AP3D1: variants seen among roughly 807,000 people sequenced by gnomAD.
The protein encoded by AP3D1 is AP-3 complex subunit delta-1.
AP3D1 carries 51 observed loss-of-function variants against 147.6 expected under a neutral mutation model. The observed-to-expected ratio is 0.35, with a 90% CI of 0.28 to 0.44. AP3D1 has a LOEUF of 0.44. AP3D1 is among the 20% of genes least tolerant of loss of function. AP3D1 has a pLI of 1.00. For synonymous variants in AP3D1, 760 were observed against 663.0 expected, an observed-to-expected ratio of 1.15 and a Z score of -2.25; for missense variants, 1,421 against 1,624.2, an observed-to-expected ratio of 0.87 and a Z score of 2.15.
At chr19:2,131,449 G>A (rs1262922425) in intron 5 of AP3D1, among the ~76,000 whole-genome samples, 3 of 141,504 alleles carry the variant, frequency 2.1e-5, no homozygotes, top group Non-Finnish European at 3.1e-5. Context: ...AGGCAGCCAC[G>A]AGGGGACAGG....
intron 1 of AP3D1, among the ~76,000 whole-genome samples, chr19:2,144,021 C>T (rs1379500088): frequency 6.7e-6 from 1 of 149,584 alleles, no homozygotes; most frequent in Non-Finnish European, 1.5e-5. Flanking sequence ...GGGAGGCAGA[C>T]GTTGCGGTGA....
At chr19:2,108,988 T>C in intron 30 of AP3D1, 98 bp downstream of exon 30, 7 of 1,556,322 alleles carry the variant, frequency 4.5e-6, no homozygotes, top group Non-Finnish European at 6.1e-6. Context: ...AGGGTGTGAG[T>C]TTGGGTGGGA....
intron 31 of AP3D1, among the ~76,000 whole-genome samples, chr19:2,107,198 T>C (rs1156686198): frequency 6.6e-6 from 1 of 150,578 alleles, no homozygotes; most frequent in African/African-American, 2.5e-5. Flanking sequence ...AGGCGGAGCT[T>C]GCAGTGAGCC....
At position 2,116,268 on chromosome 19, in the gene AP3D1, G is replaced by T. The variant is rs771663760; in HGVS notation, c.2012C>A (p.Ala671Asp). 6 of 1,614,046 alleles carry T rather than the reference G, an allele frequency of 3.7e-6. No individual in the cohort carries two copies. The highest frequency in any genetic ancestry group is 4.2e-6 in the Non-Finnish European group (5 of 1,179,998). ...DEEELARRRE[A>D]RKQEQANNPF... ...GTTGTTGGCCTGCTCCTGCTTCCGG[G>T]CCTCTCGGCGCTGTGGGACACAGCT... The change falls in exon 18 of 32, where the codon GCC becomes GAC. Residue 671 changes from alanine (A) to aspartate (D), a missense_variant. Coordinates refer to ENST00000643116, the MANE Select transcript of AP3D1 (RefSeq NM_001261826.3).
At chr19:2,140,692 C>G (rs1029392061) in intron 1 of AP3D1, among the ~76,000 whole-genome samples, 5 of 151,316 alleles carry the variant, frequency 3.3e-5, no homozygotes, top group Non-Finnish European at 5.9e-5. Flanking sequence ...GGGACTCCCT[C>G]TTGGCTTTTA....
intron 1 of AP3D1, 69 bp downstream of exon 1, chr19:2,151,170 G>C (rs1439883095): frequency 7.5e-6 from 11 of 1,475,594 alleles, no homozygotes; most frequent in Non-Finnish European, 1.0e-5. Flanking sequence ...AGCAGGCCCA[G>C]TGAGCAGGGC....
At chr19:2,123,260 G>T in intron 11 of AP3D1, 98 bp downstream of exon 11, 1 of 1,221,234 alleles carries the variant, frequency 8.2e-7, no homozygotes, top group Non-Finnish European at 1.2e-6. Context: ...AGCTGGGGTT[G>T]CAGATGCCGT....
At chr19:2,130,570 T>C in intron 5 of AP3D1, 33 bp from the exon 6 acceptor site, 1 of 1,611,192 alleles carries the variant, frequency 6.2e-7, no homozygotes, top group Non-Finnish European at 8.5e-7. Flanking sequence ...CTGCGCGGGC[T>C]TTCTGCGCCT....
At chr19:2,117,397 A>G in intron 15 of AP3D1, 30 bp from the exon 16 acceptor site, 1 of 1,546,118 alleles carries the variant, frequency 6.5e-7, no homozygotes, top group Non-Finnish European at 8.7e-7. Flanking sequence ...CACTGCTGGC[A>G]CCTGCCCGGA....
chr19:2,114,622 G>GC, intron 21 of AP3D1, 126 bp downstream of exon 21: 4 of 665,744 alleles, frequency 6.0e-6, no homozygotes, highest in Non-Finnish European at 8.0e-6. Context: ...TCTGGGGAAG[G>GC]CCCGCCCGCA....
upstream of AP3D1, among the ~76,000 whole-genome samples, chr19:2,154,170 A>T (rs2019626636): frequency 6.6e-6 from 1 of 151,472 alleles, no homozygotes; most frequent in Non-Finnish European, 1.5e-5. Context: ...CTGGCCTCAA[A>T]CTACTGACCT....
In AP3D1 at chr19:2,102,276, A is replaced by G. The variant is rs747716218; in HGVS notation, c.3553-8T>C. Reference sequence around the variant, plus strand: ...TGAGACAGAGTTCTCACCCTGTGTAAGGAAAAAAGATGGATATTTTAAAAG... The same window carrying G: ...TGAGACAGAGTTCTCACCCTGTGTAGGGAAAAAAGATGGATATTTTAAAAG... On this transcript the variant is annotated splice_polypyrimidine_tract_variant and splice_region_variant and intron_variant, in intron 31 of 31. Coordinates refer to ENST00000643116, the MANE Select transcript of AP3D1 (RefSeq NM_001261826.3). 1 of 1,607,392 alleles carries G rather than the reference A, an allele frequency of 6.2e-7. No homozygotes were observed. Among genetic ancestry groups the G allele is most frequent in the South Asian group, 1.1e-5 (1 of 90,988 alleles).
rs556882169 is a variant in AP3D1 at position 2,109,277 on chromosome 19, C to A, written c.3351-70G>T. ...TCAGGCTTCCTGGCACAGAGGCCAA[C>A]AAAACCTGCCACACACGCTGCGCTT... is the stretch of plus-strand genomic sequence containing the variant. On this transcript the variant is annotated intron_variant, in intron 29 of 31. Transcript: ENST00000643116. 2.7e-6 allele frequency: 4 copies of A among 1,501,866 alleles called. No individual in the cohort carries two copies. The East Asian group carries it at 9.7e-5, about 36-fold the overall frequency. 93.0% of individuals were successfully genotyped at this position (1,501,866 alleles called of 1,614,324 possible).
At position 2,101,163 on chromosome 19, in the gene AP3D1, T is replaced by C. The variant is rs2017940532; in HGVS notation, c.*1010A>G. Reference sequence around the variant, plus strand: ...TGGGATTCTGTAATGGATTACATGCTAAAGTGACAGTTTTCATCAAAAGGA... The same window carrying C: ...TGGGATTCTGTAATGGATTACATGCCAAAGTGACAGTTTTCATCAAAAGGA... On this transcript the variant is annotated 3_prime_UTR_variant, in exon 32 of 32. Coordinates refer to ENST00000643116, the MANE Select transcript of AP3D1 (RefSeq NM_001261826.3). The C allele has an allele frequency of 2.0e-5, 3 of 152,644 alleles. No homozygotes were observed. The highest frequency in any genetic ancestry group is 6.5e-5 in the Admixed American group (1 of 15,284). The allele number at this position is 152,644 out of a possible 1,614,324, so 9.5% of individuals were successfully genotyped here.
intron 1 of AP3D1, among the ~76,000 whole-genome samples, chr19:2,156,991 T>G (rs1353522769): frequency 8.1e-6 from 1 of 123,828 alleles, no homozygotes; most frequent in Non-Finnish European, 1.6e-5. Flanking sequence ...CATCCACCCA[T>G]CAACAAGGTT....
intron 14 of AP3D1, among the ~76,000 whole-genome samples, chr19:2,119,573 G>A (rs1302408134): frequency 6.6e-6 from 1 of 152,048 alleles, no homozygotes; most frequent in Non-Finnish European, 1.5e-5. Context: ...GCGGGCGCCT[G>A]TAGTCCCAGC....
chr19:2,130,088 C>T (rs1363251001), intron 6 of AP3D1, among the ~76,000 whole-genome samples: 2 of 152,220 alleles, frequency 1.3e-5, no homozygotes, highest in Non-Finnish European at 2.9e-5. Context: ...GACATATGGT[C>T]TAGACCATCC....
intron 1 of AP3D1, among the ~76,000 whole-genome samples, chr19:2,163,366 T>C (rs1312871385): frequency 2.6e-5 from 4 of 151,460 alleles, no homozygotes; most frequent in Non-Finnish European, 5.9e-5. Flanking sequence ...GAGCCAGGGC[T>C]CCTGGCCGTG....
intron 1 of AP3D1, among the ~76,000 whole-genome samples, chr19:2,146,325 C>T (rs1257093211): frequency 6.6e-6 from 1 of 152,248 alleles, no homozygotes; most frequent in East Asian, 1.9e-4. Flanking sequence ...CTGTACAGGC[C>T]GGGCACACTG....
Sources: allele counts gnomAD v4.1 joint callset (sites outside exome capture counted in the v4.1 genomes callset), GRCh38; gene constraint gnomAD v4.1.1; transcripts MANE v1.5; gene names NCBI Gene and HGNC (gene_info 2026-07-23, HGNC 2026-07-21).